Variants in UNC13A observed in about 807,000 individuals in gnomAD.
UNC13A encodes protein unc-13 homolog A.
Under a neutral mutation model 219.7 loss-of-function variants are expected in UNC13A, and 61 were observed. The observed-to-expected ratio is 0.28, with a 90% CI of 0.23 to 0.34. UNC13A has a LOEUF of 0.34. Ranked by LOEUF, UNC13A falls within the 10% of genes least tolerant of loss-of-function variation. UNC13A has a pLI of 1.00. For synonymous variants in UNC13A, 920 were observed against 884.6 expected, an observed-to-expected ratio of 1.04 and a Z score of -0.71; for missense variants, 1,476 against 2,270.3, an observed-to-expected ratio of 0.65 and a Z score of 7.11.
intron 28 of UNC13A, among the ~76,000 whole-genome samples, chr19:17,631,914 T>A (rs2076859876): frequency 6.6e-6 from 1 of 151,902 alleles, no homozygotes; most frequent in Non-Finnish European, 1.5e-5. Flanking sequence ...CCGGATAATT[T>A]TTTTCTTTGT....
At chr19:17,676,095 G>T in intron 1 of UNC13A, 54 bp from the exon 2 acceptor site, 1 of 1,529,278 alleles carries the variant, frequency 6.5e-7, no homozygotes, top group Non-Finnish European at 8.9e-7. Flanking sequence ...GTGGGGAGGA[G>T]GAGGCAGAGA....
intron 42 of UNC13A, among the ~76,000 whole-genome samples, chr19:17,611,443 G>T (rs965260517): frequency 6.6e-6 from 1 of 152,206 alleles, no homozygotes; most frequent in African/African-American, 2.4e-5. Flanking sequence ...CTCCCAAAGT[G>T]CTGGGATTAC....
intron 8 of UNC13A, among the ~76,000 whole-genome samples, chr19:17,661,753 G>T (rs1043940788): frequency 6.6e-6 from 1 of 152,124 alleles, no homozygotes; most frequent in South Asian, 2.1e-4. Flanking sequence ...CTCTAGAAGA[G>T]GCGGGGTATG....
chr19:17,620,863 C>G lies in UNC13A; in HGVS notation c.4243-141G>C, dbSNP rs114794998. ...CAGGTCCTGGGTCTAATGGTGGGCC[C>G]CCTCCCCAGCTAGCACCTCCTCTGG... On this transcript the variant is annotated intron_variant, in intron 37 of 43. Transcript: ENST00000519716. The G allele has an allele frequency of 1.8e-3, 1,665 of 914,100 alleles. 21 individuals carry two copies. The African/African-American group carries it at 0.024, about 13-fold the overall frequency. 56.6% of individuals were successfully genotyped at this position (914,100 alleles called of 1,614,324 possible).
chr19:17,650,679 T>C (rs1197287375), intron 12 of UNC13A, among the ~76,000 whole-genome samples: 1 of 151,636 alleles, frequency 6.6e-6, no homozygotes, highest in Non-Finnish European at 1.5e-5. Flanking sequence ...GCTTTCACCA[T>C]GTTGGCCAGG....
intron 6 of UNC13A, among the ~76,000 whole-genome samples, 195 bp from the exon 7 acceptor site, chr19:17,666,899 AG>A (rs2079660183): frequency 2.7e-5 from 2 of 74,558 alleles, no homozygotes; most frequent in African/African-American, 1.1e-4. Flanking sequence ...AGAGAGAGAG[AG>A]AGAGAGAGAG....
chr19:17,677,377 T>A (rs2079920121), intron 1 of UNC13A, among the ~76,000 whole-genome samples: 1 of 138,532 alleles, frequency 7.2e-6, no homozygotes, highest in South Asian at 2.3e-4. Context: ...TTCTTTTTTT[T>A]TTTAGGGACG....
rs2076519748 is a variant in UNC13A, at chr19:17,605,928, A to T, written c.*126T>A. ...AAAGCTGAGTCAAGGGCGTAGGCGC[A>T]GCCCACCCTTGGCGTGGAGCCCCCC... On this transcript the variant is annotated 3_prime_UTR_variant, in exon 44 of 44. Transcript: ENST00000519716. The T allele has an allele frequency of 1.1e-6, 1 of 882,200 alleles. No homozygotes were observed. The highest frequency in any genetic ancestry group is 2.5e-5 in the South Asian group (1 of 39,820). 54.6% of individuals were successfully genotyped at this position (882,200 alleles called of 1,614,324 possible). A position where few individuals can be genotyped will look rare whatever the true frequency, so the allele number is the denominator to read the frequency against.
At chr19:17,617,410 T>C (rs1025634261) in intron 41 of UNC13A, among the ~76,000 whole-genome samples, 3 of 152,112 alleles carry the variant, frequency 2.0e-5, no homozygotes, top group Non-Finnish European at 4.4e-5. Context: ...TCATCAATCC[T>C]ACCCTGGTCC....
chr19:17,616,758 G>C (rs1301339987), intron 41 of UNC13A, among the ~76,000 whole-genome samples: 3 of 152,122 alleles, frequency 2.0e-5, no homozygotes, highest in Admixed American at 2.0e-4. Context: ...CCTTGGGCTG[G>C]CTGGATCGGG....
intron 41 of UNC13A, among the ~76,000 whole-genome samples, chr19:17,612,562 T>C (rs951457796): frequency 6.6e-6 from 1 of 152,134 alleles, no homozygotes; most frequent in Non-Finnish European, 1.5e-5. Context: ...AGTCAGATCA[T>C]GTCGGCAGGG....
At chr19:17,626,612 A>G in intron 34 of UNC13A, 21 bp downstream of exon 34, 1 of 1,530,992 alleles carries the variant, frequency 6.5e-7, no homozygotes, top group Non-Finnish European at 8.8e-7. Context: ...CGGCCAGCCC[A>G]GTCCACCTGG....
At chr19:17,631,202 CCCTT>C (rs1219861577) in intron 28 of UNC13A, among the ~76,000 whole-genome samples, 3 of 53,418 alleles carry the variant, frequency 5.6e-5, no homozygotes, top group African/African-American at 8.9e-5. Context: ...CTCCCTCCCT[CCCTT>C]CCTTCCTTCC....
chr19:17,643,627 G>A (rs765745992), intron 19 of UNC13A, among the ~76,000 whole-genome samples: 1 of 152,114 alleles, frequency 6.6e-6, no homozygotes, highest in South Asian at 2.1e-4. Flanking sequence ...CCAGACTTCC[G>A]GAAACTAAGG....
intron 41 of UNC13A, among the ~76,000 whole-genome samples, chr19:17,612,551 A>C (rs1216058188): frequency 6.6e-6 from 1 of 152,112 alleles, no homozygotes; most frequent in Non-Finnish European, 1.5e-5. Flanking sequence ...AAATCCTATT[A>C]AGTCAGATCA....
In UNC13A at chr19:17,674,073, T is replaced by G. The variant is rs953407839; in HGVS notation, c.152+584A>C. On this transcript the variant is annotated intron_variant, in intron 3 of 43. Coordinates refer to ENST00000519716, the MANE Select transcript of UNC13A (RefSeq NM_001080421.3). The surrounding 1 kb of genome is among the most constrained non-coding windows in gnomAD (Gnocchi z 5.0). ...CCTGGGAAGGCATGATGCCCTGAAA[T>G]TGTAGCTTGGAGGTAGTGGTCAGGG... Among the ~76,000 whole-genome samples the G allele has an allele frequency of 3.3e-5, 5 of 152,122 alleles. No individual in the cohort carries two copies. In the East Asian group the frequency reaches 7.7e-4, roughly 24 times the overall value.
At position 17,606,360 on chromosome 19, in the gene UNC13A, TG is replaced by T. The variant is rs2144900686; in HGVS notation, c.4812-7del. The stretch of plus-strand genomic sequence containing the variant: ...CCGCGTCGGCGCTCAGCGTGCTGCG[TG>T]GGGAGGGGCGGAACGTGAGACAGGC... On this transcript the variant is annotated splice_region_variant and splice_polypyrimidine_tract_variant and intron_variant, in intron 43 of 43. Coordinates refer to ENST00000519716, the MANE Select transcript of UNC13A (RefSeq NM_001080421.3). 6.5e-7 allele frequency: 1 copy of T among 1,542,108 alleles called. No individual in the cohort carries two copies.
At chr19:17,679,862 T>C (rs1369811117) in intron 1 of UNC13A, among the ~76,000 whole-genome samples, 1 of 152,140 alleles carries the variant, frequency 6.6e-6, no homozygotes, top group East Asian at 1.9e-4. Context: ...AGCTCCTTCC[T>C]GCAGCCTCTC....
intron 34 of UNC13A, chr19:17,626,230 A>C (rs77270156): frequency 0.023 from 3,702 of 159,092 alleles, 154 homozygotes; most frequent in African/African-American, 0.085. Flanking sequence ...CCTGCCAGAC[A>C]TCCATCCATC....
Sources: allele counts gnomAD v4.1 joint callset (sites outside exome capture counted in the v4.1 genomes callset), GRCh38; gene constraint gnomAD v4.1.1; non-coding constraint Gnocchi (gnomAD v3.1); transcripts MANE v1.5; gene names NCBI Gene and HGNC (gene_info 2026-07-23, HGNC 2026-07-21).